The following CNBD1 variants were observed in gnomAD, a reference collection of about 807,000 sequenced individuals.
CNBD1 encodes cyclic nucleotide-binding domain-containing protein 1.
In CNBD1, 71 loss-of-function variants were observed where a neutral mutation model predicts 54.4. The ratio of observed to expected loss-of-function variants is 1.30; its 90% CI spans 1.08 to 1.59. The LOEUF is 1.59. CNBD1 is among the 40% of genes most tolerant of loss of function. CNBD1 has a pLI of 0.00. For synonymous variants in CNBD1, 182 were observed against 170.7 expected, an observed-to-expected ratio of 1.07 and a Z score of -0.51; for missense variants, 659 against 518.0, an observed-to-expected ratio of 1.27 and a Z score of -2.64.
chr8:86,906,249 C>T (rs115200738), intron 3 of CNBD1, among the ~76,000 whole-genome samples: 1,937 of 152,276 alleles, frequency 0.013, 33 homozygotes, highest in Middle Eastern at 0.041. Context: ...AAGATATCAG[C>T]ATGAGAGACA....
intron 4 of CNBD1, among the ~76,000 whole-genome samples, chr8:87,186,848 AG>A (rs951583788): frequency 1.3e-5 from 2 of 152,130 alleles, no homozygotes; most frequent in African/African-American, 2.4e-5. Context: ...AGGAAGCAAA[AG>A]TTATGGACAA....
chr8:87,360,053 C>G (rs965931531), intron 10 of CNBD1, among the ~76,000 whole-genome samples: 2 of 151,968 alleles, frequency 1.3e-5, no homozygotes, highest in Non-Finnish European at 2.9e-5. Context: ...ATGGGTTATA[C>G]TCTCTATTTG....
At chr8:86,980,979 A>C (rs928550293) in intron 4 of CNBD1, among the ~76,000 whole-genome samples, 2 of 152,192 alleles carry the variant, frequency 1.3e-5, no homozygotes, top group Non-Finnish European at 2.9e-5. Flanking sequence ...CCACACATGG[A>C]GACAGACTTT....
intron 5 of CNBD1, among the ~76,000 whole-genome samples, chr8:87,208,010 C>G (rs960482670): frequency 6.6e-6 from 1 of 152,124 alleles, no homozygotes; most frequent in Non-Finnish European, 1.5e-5. Context: ...TAAAAAGGCC[C>G]AACTAGGTGT....
At chr8:87,427,787 G>A (rs1244583288) in intron 2 of CNBD1, among the ~76,000 whole-genome samples, 1 of 152,152 alleles carries the variant, frequency 6.6e-6, no homozygotes, top group Non-Finnish European at 1.5e-5. Context: ...TCTGTCTTCA[G>A]TGCATTGGCT....
chr8:86,899,075 A>C (rs769258858), intron 2 of CNBD1, among the ~76,000 whole-genome samples: 1 of 152,128 alleles, frequency 6.6e-6, no homozygotes, highest in African/African-American at 2.4e-5. Context: ...TAAGCCAGAC[A>C]CAGAAAGTAA....
At chr8:87,363,558 G>A (rs1486805360) in intron 10 of CNBD1, among the ~76,000 whole-genome samples, 1 of 152,140 alleles carries the variant, frequency 6.6e-6, no homozygotes, top group Non-Finnish European at 1.5e-5. Context: ...TAACTGGCAT[G>A]AGATGGTATC....
intron 6 of CNBD1, among the ~76,000 whole-genome samples, chr8:87,272,558 G>A (rs1017548239): frequency 6.6e-5 from 10 of 151,878 alleles, no homozygotes; most frequent in Non-Finnish European, 1.0e-4. Flanking sequence ...TAAGACAGGA[G>A]CAATGTTTCT....
chr8:86,884,176 C>CA lies in CNBD1; in HGVS notation c.89-3359dup, dbSNP rs1402362900. 1.0e-3 allele frequency among the ~76,000 whole-genome samples: 157 copies of CA among 149,746 alleles called. 2 individuals are homozygous for CA. Among genetic ancestry groups the CA allele is most frequent in the Non-Finnish European group, 4.0e-4 (27 of 67,426 alleles). On this transcript the variant is annotated intron_variant, in intron 1 of 10. Transcript: ENST00000518476. Reference sequence around the variant, plus strand: ...CAAAACAAAACAAAACAAAACAAAACAAAAAAACCTTGCCCCTTTCCGTTT... The same window carrying CA: ...CAAAACAAAACAAAACAAAACAAAACAAAAAAAACCTTGCCCCTTTCCGTTT...
intron 2 of CNBD1, among the ~76,000 whole-genome samples, chr8:87,413,473 C>G (rs925595384): frequency 5.3e-5 from 8 of 151,870 alleles, no homozygotes; most frequent in Non-Finnish European, 1.0e-4. Context: ...AATTGGTGAG[C>G]CTAAAGAGCT....
intron 3 of CNBD1, among the ~76,000 whole-genome samples, chr8:86,928,448 A>G (rs1205691604): frequency 6.6e-6 from 1 of 152,142 alleles, no homozygotes; most frequent in Non-Finnish European, 1.5e-5. Context: ...TGAAGGTTAT[A>G]TTGTATCCCT....
At chr8:87,373,064 C>G (rs1454627556) in intron 10 of CNBD1, among the ~76,000 whole-genome samples, 2 of 151,552 alleles carry the variant, frequency 1.3e-5, no homozygotes, top group Non-Finnish European at 3.0e-5. Context: ...AAATTATGAC[C>G]ATTTCAAGTA....
chr8:87,040,423 C>CTTTT (rs71277911), intron 4 of CNBD1, among the ~76,000 whole-genome samples: 2 of 129,390 alleles, frequency 1.5e-5, no homozygotes, highest in Admixed American at 8.0e-5. Context: ...AATTCTTTTT[C>CTTTT]TTTTTTTTTT....
chr8:87,107,821 A>G (rs1811573177), intron 4 of CNBD1, among the ~76,000 whole-genome samples: 1 of 152,020 alleles, frequency 6.6e-6, no homozygotes, highest in Non-Finnish European at 1.5e-5. Context: ...AAGGCCCAAA[A>G]CTCTGCCTGG....
chr8:87,218,350 C>T (rs1405405469), intron 5 of CNBD1, among the ~76,000 whole-genome samples: 2 of 152,026 alleles, frequency 1.3e-5, no homozygotes, highest in African/African-American at 4.8e-5. Flanking sequence ...ATATTTATTG[C>T]TAGATGATAA....
At chr8:87,244,596 C>T (rs569617820) in intron 6 of CNBD1, among the ~76,000 whole-genome samples, 16 of 152,186 alleles carry the variant, frequency 1.1e-4, no homozygotes, top group African/African-American at 3.6e-4. Flanking sequence ...TAACCCAGTT[C>T]TCTTCATCTG....
At chr8:87,175,830 T>A (rs914152987) in intron 4 of CNBD1, among the ~76,000 whole-genome samples, 4 of 152,264 alleles carry the variant, frequency 2.6e-5, no homozygotes, top group South Asian at 2.1e-4. Context: ...GTGTTTCAAG[T>A]TTATTTAGAG....
intron 4 of CNBD1, among the ~76,000 whole-genome samples, chr8:86,961,085 T>A (rs1807916733): frequency 6.6e-6 from 1 of 152,216 alleles, no homozygotes; most frequent in East Asian, 1.9e-4. Context: ...ATTTTAAAGC[T>A]AGCCTGTTTA....
intron 3 of CNBD1, among the ~76,000 whole-genome samples, chr8:86,928,873 G>A (rs1160896831): frequency 6.6e-6 from 1 of 152,274 alleles, no homozygotes; most frequent in East Asian, 1.9e-4. Context: ...TGAAAAGTTT[G>A]GTGGAGAGTC....
Sources: gnomAD v4.1 joint callset for allele counts (sites outside exome capture counted in the v4.1 genomes callset) on GRCh38, gnomAD v4.1.1 for gene constraint, MANE v1.5 for transcripts, NCBI Gene and HGNC (gene_info 2026-07-23, HGNC 2026-07-21) for gene names.